The following COL3A1 variants were observed in gnomAD, a reference collection of about 807,000 sequenced individuals.
COL3A1 encodes collagen type III alpha 1 chain, also known as collagen alpha-1(III) chain.
In COL3A1, 46 loss-of-function variants were observed where a neutral mutation model predicts 200.9. The ratio of observed to expected loss-of-function variants is 0.23; its 90% CI spans 0.18 to 0.29. COL3A1 has a LOEUF of 0.29. Ranked by LOEUF, COL3A1 falls within the 10% of genes least tolerant of loss-of-function variation. The pLI is 1.00. For missense variants in COL3A1, 1,367 were observed against 1,917.6 expected, an observed-to-expected ratio of 0.71 and a Z score of 5.36; for synonymous variants, 650 against 628.0, an observed-to-expected ratio of 1.03 and a Z score of -0.52.
intron 48 of COL3A1, among the ~76,000 whole-genome samples, chr2:189,009,435 A>G (rs1688671118): frequency 6.6e-6 from 1 of 152,228 alleles, no homozygotes; most frequent in Non-Finnish European, 1.5e-5. Flanking sequence ...AGAAAAATAT[A>G]AAGACATTTT....
Position 189,010,179 on chromosome 2 carries a change from A to G in COL3A1, c.3825A>G (p.Gly1275=), listed in dbSNP as rs1380551833. Residue 1275 remains glycine (G), a splice_region_variant and synonymous_variant, in exon 49 of 51, where the codon GGA becomes GGG. Coordinates refer to ENST00000304636, the MANE Select transcript of COL3A1 (RefSeq NM_000090.4). ...LKFCHPELKS[G]EYWVDPNQGC... ...CCATTCTTTTTTGTGACTATTCAGG[A>G]GAATACTGGGTTGACCCTAACCAAG... The G allele has an allele frequency of 6.2e-7, 1 of 1,613,920 alleles. No individual in the cohort carries two copies. The highest frequency in any genetic ancestry group is 1.7e-5 in the Admixed American group (1 of 59,992).
chr2:189,006,490 T>A, intron 43 of COL3A1, 38 bp downstream of exon 43: 1 of 1,587,944 alleles, frequency 6.3e-7, no homozygotes, highest in Non-Finnish European at 8.6e-7. Context: ...TGTTTGTCTA[T>A]TTCCTTCAAT....
intron 40 of COL3A1, among the ~76,000 whole-genome samples, chr2:189,004,748 T>C (rs1449161623): frequency 6.6e-6 from 1 of 152,178 alleles, no homozygotes; most frequent in African/African-American, 2.4e-5. Context: ...ATTCAAGTCA[T>C]CTTGCACTCC....
rs1455100373 is a variant in COL3A1, at chr2:189,003,998, C to G, written c.2678C>G (p.Pro893Arg). 6.2e-7 allele frequency: 1 copy of G among 1,612,032 alleles called. No homozygotes were observed. The highest frequency in any genetic ancestry group is 8.5e-7 in the Non-Finnish European group (1 of 1,179,468). The change falls in exon 39 of 51, where the codon CCA becomes CGA. Residue 893 changes from proline to arginine, a missense_variant. By Grantham distance (103) the Pro-to-Arg change is moderately radical (BLOSUM62 -2). This residue lies in a region of COL3A1 where 846 missense variants were observed against 1,147.9 expected (regional missense o/e 0.74). Coordinates refer to ENST00000304636, the MANE Select transcript of COL3A1 (RefSeq NM_000090.4). Reference protein sequence around the residue: ...PPGSNGNPGPPGPSGSPGKDG... With the variant: ...PPGSNGNPGPRGPSGSPGKDG... ...TATTTGTAGGGTAACCCAGGACCCC[C>G]AGGTCCCAGCGGTTCTCCAGGCAAG...
chr2:189,005,895 C>A (rs995585224), intron 41 of COL3A1, among the ~76,000 whole-genome samples: 4 of 152,006 alleles, frequency 2.6e-5, no homozygotes, highest in African/African-American at 9.7e-5. Context: ...TTAAAGCAAA[C>A]TAATTAAACT....
intron 11 of COL3A1, 81 bp from the exon 12 acceptor site, chr2:188,991,406 T>G: frequency 2.2e-6 from 2 of 917,880 alleles, no homozygotes; most frequent in Non-Finnish European, 1.6e-6. Context: ...CTATAAACTT[T>G]TCCATAATAT....
chr2:188,993,500 C>A, intron 16 of COL3A1, 41 bp downstream of exon 16: 1 of 1,426,146 alleles, frequency 7.0e-7, no homozygotes, highest in Non-Finnish European at 9.5e-7. Context: ...TAGTTTCATG[C>A]TTACTCCATG....
chr2:188,998,113 G>A (rs376567138), intron 27 of COL3A1, among the ~76,000 whole-genome samples, 153 bp from the exon 28 acceptor site: 7 of 152,212 alleles, frequency 4.6e-5, no homozygotes, highest in African/African-American at 1.7e-4. Flanking sequence ...TATCACGTAT[G>A]TGTCACTGGA....
At position 188,994,622 on chromosome 2, in the gene COL3A1, A is replaced by G; in HGVS notation, c.1347+28A>G. The G allele has an allele frequency of 6.2e-7, 1 of 1,614,014 alleles. No homozygotes were observed. Among genetic ancestry groups the G allele is most frequent in the Non-Finnish European group, 8.5e-7 (1 of 1,179,940 alleles). On this transcript the variant is annotated intron_variant, in intron 19 of 50. Transcript: ENST00000304636. The surrounding 1 kb of genome is among the most constrained non-coding windows in gnomAD (Gnocchi z 4.5). ...AAGTTTTACTGCAACAGATCTGGTT[A>G]TTTCTTGAAAAAATGCAACATAATT...
chr2:188,986,099 TTTAG>T (rs1479424987), intron 4 of COL3A1, among the ~76,000 whole-genome samples: 2 of 152,006 alleles, frequency 1.3e-5, no homozygotes, highest in South Asian at 2.1e-4. Context: ...ACCTAAATAA[TTTAG>T]TTAGTACTGT....
intron 21 of COL3A1, among the ~76,000 whole-genome samples, chr2:188,995,390 C>T (rs965733007): frequency 1.3e-5 from 2 of 152,154 alleles, no homozygotes; most frequent in Non-Finnish European, 2.9e-5. Context: ...TTTGAAAACT[C>T]TAAGGTTACA....
At chr2:188,978,019 CT>C in intron 1 of COL3A1, 4 of 371,278 alleles carry the variant, frequency 1.1e-5, no homozygotes, top group Non-Finnish European at 1.6e-5. Flanking sequence ...CTTACCTGAG[CT>C]TTTTTTCTAG....
rs794728042 is a variant in COL3A1 at position 188,992,920 on chromosome 2, C to T, written c.1030C>T (p.Pro344Ser). The change falls in exon 15 of 51, where the codon CCT becomes TCT. Residue 344 changes from proline to serine, a missense_variant. Around this residue, in one of 5 missense-constraint regions of COL3A1, gnomAD observed 462 missense variants for 681.4 expected, o/e 0.68. Coordinates refer to ENST00000304636, the MANE Select transcript of COL3A1 (RefSeq NM_000090.4). Reference protein sequence around the residue: ...PPGPPGTAGFPGSPGAKGEVG... With the variant: ...PPGPPGTAGFSGSPGAKGEVG... ...TGGTCCTCCTGGAACTGCCGGATTC[C>T]CTGGATCCCCTGGTGCTAAGGTAAA... 6.2e-7 allele frequency: 1 copy of T among 1,613,826 alleles called. No homozygotes were observed. Among genetic ancestry groups the T allele is most frequent in the Non-Finnish European group, 8.5e-7 (1 of 1,179,906 alleles).
In COL3A1 at chr2:188,974,681, A is replaced by G. The variant is rs187954205; in HGVS notation, c.79+113A>G. On this transcript the variant is annotated intron_variant, in intron 1 of 50. Coordinates refer to ENST00000304636, the MANE Select transcript of COL3A1 (RefSeq NM_000090.4). ...CCTGATTCAAGATAATTTCCTCTATAAGCTCCAGATTGTGAAACGTTGAAC... is the reference window on the plus strand; with the variant it reads ...CCTGATTCAAGATAATTTCCTCTATGAGCTCCAGATTGTGAAACGTTGAAC... 14 of 833,420 alleles carry G rather than the reference A, an allele frequency of 1.7e-5. No individual in the cohort carries two copies. In the Admixed American group the frequency reaches 2.0e-4, roughly 12 times the overall value. The allele number at this position is 833,420 out of a possible 1,614,324, so 51.6% of individuals were successfully genotyped here.
At chr2:188,985,038 T>C in intron 2 of COL3A1, 76 bp downstream of exon 2, 1 of 1,443,464 alleles carries the variant, frequency 6.9e-7, no homozygotes, top group Non-Finnish European at 9.7e-7. Context: ...CATAGGAGCC[T>C]AAAAGGGAAT....
chr2:188,976,387 T>G (rs1167576000), intron 1 of COL3A1, among the ~76,000 whole-genome samples: 1 of 152,106 alleles, frequency 6.6e-6, no homozygotes, highest in Non-Finnish European at 1.5e-5. Context: ...AGTATAAAAT[T>G]TTGCTGATAT....
intron 10 of COL3A1, among the ~76,000 whole-genome samples, chr2:188,990,573 AAAT>A (rs1688166677): frequency 6.6e-6 from 1 of 152,206 alleles, no homozygotes; most frequent in Non-Finnish European, 1.5e-5. Context: ...TACTCTTGAA[AAAT>A]ATCGTTTTCT....
intron 50 of COL3A1, 135 bp from the exon 51 acceptor site, chr2:189,011,493 G>A (rs1340307436): frequency 6.5e-6 from 6 of 918,828 alleles, no homozygotes; most frequent in Non-Finnish European, 6.9e-6. Flanking sequence ...AGTAGAGCAG[G>A]TCTCATATAC....
chr2:188,987,930 T>C (rs1688096873), intron 5 of COL3A1, 151 bp from the exon 6 acceptor site: 1 of 671,570 alleles, frequency 1.5e-6, no homozygotes, highest in Non-Finnish European at 2.7e-6. Flanking sequence ...AGATCTTCAT[T>C]ATAGATCTCA....
Sources: gnomAD v4.1 joint callset for allele counts (sites outside exome capture counted in the v4.1 genomes callset) on GRCh38, gnomAD v4.1.1 for gene constraint, gnomAD v4.1.1 regional missense constraint, Gnocchi (gnomAD v3.1) non-coding constraint, MANE v1.5 for transcripts, NCBI Gene and HGNC (gene_info 2026-07-23, HGNC 2026-07-21) for gene names.